Variants in PCDHGB2 observed in about 807,000 individuals in gnomAD.
PCDHGB2 encodes protocadherin gamma-B2.
A neutral mutation model predicts 59.3 loss-of-function variants in PCDHGB2; 55 were observed. The observed-to-expected ratio is 0.93, with a 90% confidence interval of 0.75 to 1.16. The LOEUF (loss-of-function observed/expected upper bound fraction) is 1.16. PCDHGB2 is among the 50% of genes most tolerant of loss of function. PCDHGB2 has a pLI of 0.00. For synonymous variants in PCDHGB2, 516 were observed against 512.0 expected, an observed-to-expected ratio of 1.01 and a Z score of -0.11; for missense variants, 1,228 against 1,198.5, an observed-to-expected ratio of 1.02 and a Z score of -0.36.
intron 1 of PCDHGB2, among the ~76,000 whole-genome samples, chr5:141,475,625 G>C (rs1172186188): frequency 2.0e-5 from 3 of 152,204 alleles, no homozygotes; most frequent in African/African-American, 7.2e-5. Flanking sequence ...GGTTTGGTTC[G>C]ATCCCCTTTC....
chr5:141,485,383 G>C lies in PCDHGB2; in HGVS notation c.2422-9424G>C. 6.2e-7 allele frequency: 1 copy of C among 1,614,128 alleles called. No individual in the cohort carries two copies. Among genetic ancestry groups the C allele is most frequent in the Non-Finnish European group, 8.5e-7 (1 of 1,180,020 alleles). On this transcript the variant is annotated intron_variant, in intron 1 of 3. Coordinates refer to ENST00000522605, the MANE Select transcript of PCDHGB2 (RefSeq NM_018923.3). The surrounding 1 kb of genome is among the most constrained non-coding windows in gnomAD (Gnocchi z 5.7). Reference sequence around the variant, plus strand: ...GCAGGCTGCAGGTCGCTGGAGAGGTGAACCAAAGACACTTCCGTGTGGATT... The same window carrying C: ...GCAGGCTGCAGGTCGCTGGAGAGGTCAACCAAAGACACTTCCGTGTGGATT...
intron 1 of PCDHGB2, chr5:141,412,903 G>T: frequency 5.3e-6 from 2 of 376,030 alleles, no homozygotes; most frequent in East Asian, 4.2e-5. Flanking sequence ...ACTTTCCATT[G>T]CATGTATCAC....
In PCDHGB2 at chr5:141,361,674, G is replaced by A; in HGVS notation, c.1539G>A (p.Val513=). The A allele has an allele frequency of 5.0e-6, 8 of 1,613,644 alleles. No homozygotes were observed. Among genetic ancestry groups the A allele is most frequent in the Non-Finnish European group, 6.8e-6 (8 of 1,179,904 alleles). The change falls in exon 1 of 4, where the codon GTG becomes GTA. Residue 513 remains valine, a synonymous_variant. Transcript: ENST00000522605. ...SYVSVSAQSG[V]VFAQRAFDHE... is the part of the protein sequence containing the mutation. Reference sequence around the variant, plus strand: ...TGTCCGTGAGCGCGCAGAGCGGGGTGGTGTTCGCGCAGCGCGCCTTCGATC... The same window carrying A: ...TGTCCGTGAGCGCGCAGAGCGGGGTAGTGTTCGCGCAGCGCGCCTTCGATC...
At chr5:141,488,062 T>C (rs1488970442) in intron 1 of PCDHGB2, among the ~76,000 whole-genome samples, 1 of 152,152 alleles carries the variant, frequency 6.6e-6, no homozygotes, top group Non-Finnish European at 1.5e-5. Flanking sequence ...AAATAAAATC[T>C]TTGTCTCCCA....
At chr5:141,448,074 G>A (rs1008235342) in intron 1 of PCDHGB2, among the ~76,000 whole-genome samples, 3 of 151,152 alleles carry the variant, frequency 2.0e-5, no homozygotes, top group Admixed American at 1.3e-4. Context: ...CAACATGAAC[G>A]AAATGCCATC....
chr5:141,384,982 G>C, intron 1 of PCDHGB2: 1 of 1,614,144 alleles, frequency 6.2e-7, no homozygotes, highest in Non-Finnish European at 8.5e-7. Flanking sequence ...GTACCTGGTG[G>C]TGGCGGTGGC....
intron 1 of PCDHGB2, chr5:141,400,753 T>C: frequency 1.7e-6 from 1 of 597,232 alleles, no homozygotes; most frequent in Non-Finnish European, 2.9e-6. Flanking sequence ...CTTAGCTTCC[T>C]CTCTAGCAAA....
At chr5:141,364,161 C>T in intron 1 of PCDHGB2, 2 of 652,296 alleles carry the variant, frequency 3.1e-6, no homozygotes, top group Non-Finnish European at 4.6e-6. Flanking sequence ...GCCGCAGAGG[C>T]GACCCGACTC....
intron 1 of PCDHGB2, chr5:141,370,473 C>A: frequency 6.2e-7 from 1 of 1,613,496 alleles, no homozygotes; most frequent in Non-Finnish European, 8.5e-7. Flanking sequence ...TTTGTTAGAC[C>A]AGGCTCTCTC....
chr5:141,426,756 G>A, intron 1 of PCDHGB2: 1 of 456,302 alleles, frequency 2.2e-6, no homozygotes. Context: ...ATCTGCTATA[G>A]ATGCAGATGT....
chr5:141,389,269 A>G, intron 1 of PCDHGB2: 2 of 1,613,976 alleles, frequency 1.2e-6, no homozygotes, highest in Non-Finnish European at 1.7e-6. Flanking sequence ...GTGGCCGAGA[A>G]CAACCCGCCT....
intron 1 of PCDHGB2, chr5:141,389,674 G>T (rs763404625): frequency 1.2e-6 from 2 of 1,612,448 alleles, no homozygotes; most frequent in Admixed American, 3.3e-5. Flanking sequence ...GCAGACTCAG[G>T]ACACAACGCC....
chr5:141,509,303 G>A (rs911736752), intron 3 of PCDHGB2, among the ~76,000 whole-genome samples: 1 of 152,210 alleles, frequency 6.6e-6, no homozygotes, highest in Admixed American at 6.5e-5. Context: ...GGAGGCAGAG[G>A]GAGGCTGGGA....
chr5:141,404,002 A>T, intron 1 of PCDHGB2: 1 of 1,613,928 alleles, frequency 6.2e-7, no homozygotes, highest in Non-Finnish European at 8.5e-7. Flanking sequence ...TGACCATTAC[A>T]TCTCTGTTTA....
At chr5:141,386,438 G>A (rs79313044) in intron 1 of PCDHGB2, among the ~76,000 whole-genome samples, 2,560 of 152,240 alleles carry the variant, frequency 0.017, 31 homozygotes, top group South Asian at 0.037. Context: ...CTGCATGGGA[G>A]GCTGAGGCAA....
At chr5:141,468,931 G>A (rs1321821773) in intron 1 of PCDHGB2, among the ~76,000 whole-genome samples, 2 of 148,600 alleles carry the variant, frequency 1.3e-5, no homozygotes, top group Non-Finnish European at 3.0e-5. Flanking sequence ...GCACTAAAAT[G>A]GGAGATGGGG....
intron 1 of PCDHGB2, chr5:141,409,322 C>A (rs1161029892): frequency 6.2e-7 from 1 of 1,613,988 alleles, no homozygotes; most frequent in Non-Finnish European, 8.5e-7. Flanking sequence ...AACACGGGAT[C>A]TGGATTTCGG....
intron 1 of PCDHGB2, chr5:141,479,521 T>C (rs4912607): frequency 0.2 from 30,680 of 152,154 alleles, 3,215 homozygotes; most frequent in Admixed American, 0.29. Flanking sequence ...CTGGCCCAGG[T>C]TGGAAGTGGA....
chr5:141,422,431 T>G, intron 1 of PCDHGB2: 1 of 1,608,846 alleles, frequency 6.2e-7, no homozygotes, highest in Non-Finnish European at 8.5e-7. Flanking sequence ...TTATGGAAAT[T>G]ATTACAAATT....
Sources: allele counts gnomAD v4.1 joint callset (sites outside exome capture counted in the v4.1 genomes callset), GRCh38; gene constraint gnomAD v4.1.1; non-coding constraint Gnocchi (gnomAD v3.1); transcripts MANE v1.5; gene names NCBI Gene and HGNC (gene_info 2026-07-23, HGNC 2026-07-21).